The following CAPN3 variants were observed in gnomAD, a reference collection of about 807,000 sequenced individuals.
The protein encoded by CAPN3 is calpain-3.
Under a neutral mutation model 114.0 loss-of-function variants are expected in CAPN3, and 88 were observed. The observed-to-expected ratio is 0.77, with a 90% CI of 0.65 to 0.92. The LOEUF (loss-of-function observed/expected upper bound fraction) is 0.92, where lower values mean the gene tolerates loss of function less well. CAPN3 is among the 40% of genes least tolerant of loss of function. CAPN3 has a pLI of 0.00. For missense variants in CAPN3, 1,028 were observed against 1,069.0 expected (o/e 0.96, Z 0.53); for synonymous variants, 386 against 382.9 (o/e 1.01, Z -0.09).
intron 1 of CAPN3, among the ~76,000 whole-genome samples, chr15:42,377,681 T>C (rs1255570994): frequency 6.6e-6 from 1 of 152,200 alleles, no homozygotes; most frequent in Non-Finnish European, 1.5e-5. Flanking sequence ...GCTGGCCTGA[T>C]AGAATGAGTT....
At chr15:42,360,186 G>C in intron 1 of CAPN3, 72 bp downstream of exon 1, 2 of 1,545,028 alleles carry the variant, frequency 1.3e-6, no homozygotes, top group South Asian at 2.2e-5. Flanking sequence ...ACCTCCGGCA[G>C]CTCAGCTGTG....
intron 7 of CAPN3, 51 bp from the exon 8 acceptor site, chr15:42,394,205 T>A: frequency 6.7e-7 from 1 of 1,502,806 alleles, no homozygotes. Context: ...GACAGAAGAT[T>A]CCCTTTCCAG....
chr15:42,392,819 G>T (rs549374420), intron 7 of CAPN3, 97 bp downstream of exon 7: 3 of 877,600 alleles, frequency 3.4e-6, no homozygotes, highest in South Asian at 2.8e-5. Flanking sequence ...TGTCTGCAGA[G>T]CTTGCCTCCA....
Position 42,386,301 on chromosome 15 carries a change from T to G in CAPN3, c.498+16T>G, listed in dbSNP as rs539965498. 1.3e-6 allele frequency: 2 copies of G among 1,575,486 alleles called. No homozygotes were observed. Among genetic ancestry groups the G allele is most frequent in the East Asian group, 4.5e-5 (2 of 44,706 alleles). On this transcript the variant is annotated intron_variant, in intron 3 of 23. Coordinates refer to ENST00000397163, the MANE Select transcript of CAPN3 (RefSeq NM_000070.3). ...CCACTTCCAGGTGAGGTAATGAGAG[T>G]GTAGTTAAGAGGGCCAGCGGCAGGC...
At chr15:42,385,730 T>C (rs1566974154) in intron 2 of CAPN3, 4 of 521,400 alleles carry the variant, frequency 7.7e-6, no homozygotes, top group Non-Finnish European at 1.5e-5. Flanking sequence ...ACAAATCATC[T>C]TGGTGGATGG....
At chr15:42,401,150 C>T (rs565667739) in intron 10 of CAPN3, among the ~76,000 whole-genome samples, 4 of 151,144 alleles carry the variant, frequency 2.6e-5, no homozygotes, top group Non-Finnish European at 5.9e-5. Flanking sequence ...GCCGAGATCG[C>T]GCCACTGCAC....
At chr15:42,394,179 T>C in intron 7 of CAPN3, 77 bp from the exon 8 acceptor site, 1 of 1,360,576 alleles carries the variant, frequency 7.3e-7, no homozygotes, top group South Asian at 1.2e-5. Flanking sequence ...CCCAGCCCCG[T>C]CCCAGCCCTC....
chr15:42,390,526 C>G (rs1033473593), intron 6 of CAPN3, among the ~76,000 whole-genome samples: 1 of 152,156 alleles, frequency 6.6e-6, no homozygotes, highest in Non-Finnish European at 1.5e-5. Context: ...AAAGCAAGGT[C>G]TCCCTCTTGT....
intron 1 of CAPN3, among the ~76,000 whole-genome samples, chr15:42,365,379 C>T (rs1028969787): frequency 2.6e-5 from 4 of 152,132 alleles, no homozygotes; most frequent in Non-Finnish European, 5.9e-5. Flanking sequence ...CTAGGAAATC[C>T]GTTCTCCCTT....
At chr15:42,404,228 T>C (rs2053958421) in intron 14 of CAPN3, 2 of 456,926 alleles carry the variant, frequency 4.4e-6, no homozygotes, top group Non-Finnish European at 8.8e-6. Context: ...TCTCACTCAG[T>C]TTCCTACTCA....
chr15:42,374,809 T>C (rs1049522756), intron 1 of CAPN3, among the ~76,000 whole-genome samples: 3 of 139,930 alleles, frequency 2.1e-5, no homozygotes, highest in African/African-American at 8.0e-5. Flanking sequence ...TTTTTTTTTT[T>C]TTTTTTTTTG....
chr15:42,410,097 C>A (rs749629838), intron 19 of CAPN3, 102 bp downstream of exon 19: 2 of 1,075,592 alleles, frequency 1.9e-6, no homozygotes, highest in Non-Finnish European at 2.9e-6. Flanking sequence ...AATTTGTGCC[C>A]AGGGAAACTT....
At chr15:42,390,790 GTT>G (rs373599109) in intron 6 of CAPN3, among the ~76,000 whole-genome samples, 6 of 110,304 alleles carry the variant, frequency 5.4e-5, no homozygotes, top group South Asian at 3.1e-4. Context: ...TTGTTTTTTT[GTT>G]TTTTTTTTTT....
intron 1 of CAPN3, among the ~76,000 whole-genome samples, chr15:42,380,437 GTGGTA>G (rs1368482689): frequency 2.4e-5 from 3 of 126,304 alleles, no homozygotes; most frequent in East Asian, 4.8e-4. Flanking sequence ...CTGGAGTGCA[GTGGTA>G]TGATCTTGGC....
At position 42,412,273 on chromosome 15, in the gene CAPN3, T is replaced by C; in HGVS notation, c.*500T>C. 3.8e-6 allele frequency: 5 copies of C among 1,303,114 alleles called. No individual in the cohort carries two copies. Among genetic ancestry groups the C allele is most frequent in the Non-Finnish European group, 5.3e-6 (5 of 947,540 alleles). 80.7% of individuals were successfully genotyped at this position (1,303,114 alleles called of 1,614,324 possible). ...TGTCCAACTCATAAGTTTGGCTGCA[T>C]TTTGAAAAAAGCTGATCTAAATAAA... On this transcript the variant is annotated 3_prime_UTR_variant, in exon 24 of 24. Transcript: ENST00000397163.
intron 18 of CAPN3, 30 bp downstream of exon 18, chr15:42,409,874 G>C (rs1566984851): frequency 1.5e-6 from 1 of 666,608 alleles, no homozygotes; most frequent in South Asian, 1.4e-5. Context: ...TGGGGGTGGG[G>C]TGGGTGGGGA....
Position 42,380,742 on chromosome 15 carries a change from TA to T in CAPN3, c.310-3740del, listed in dbSNP as rs2053223304. ...CCCACCTTCCCCATATATATATATA[TA>T]TATATATATTTTTTTTTTTTTTTTT... On this transcript the variant is annotated intron_variant, in intron 1 of 23. Transcript: ENST00000397163. Among the ~76,000 whole-genome samples, 2 of 61,144 alleles carry T rather than the reference TA, an allele frequency of 3.3e-5. 1 individual carries two copies. The highest frequency in any genetic ancestry group is 3.2e-4 in the Admixed American group (2 of 6,336). The allele number at this position is 61,144 out of a possible 152,430, so 40.1% of individuals were successfully genotyped here.
intron 1 of CAPN3, among the ~76,000 whole-genome samples, chr15:42,362,721 G>A (rs943130967): frequency 3.9e-5 from 6 of 152,186 alleles, no homozygotes; most frequent in Non-Finnish European, 8.8e-5. Flanking sequence ...GGCCCAGAAA[G>A]GGCAAATGAC....
chr15:42,405,380 A>T (rs1382508358), intron 14 of CAPN3, among the ~76,000 whole-genome samples: 3 of 152,076 alleles, frequency 2.0e-5, no homozygotes, highest in African/African-American at 7.2e-5. Flanking sequence ...GCATGATCTC[A>T]GCTCACTGCA....
Sources: gnomAD v4.1 joint callset for allele counts (sites outside exome capture counted in the v4.1 genomes callset) on GRCh38, gnomAD v4.1.1 for gene constraint, MANE v1.5 for transcripts, NCBI Gene and HGNC (gene_info 2026-07-23, HGNC 2026-07-21) for gene names.